Variants in MYCBP2 observed in about 807,000 individuals in gnomAD.
MYCBP2 encodes MYC binding protein 2, also known as E3 ubiquitin-protein ligase MYCBP2.
In MYCBP2, 120 loss-of-function variants were observed where a neutral mutation model predicts 525.3. The observed-to-expected ratio is 0.23, with a 90% CI of 0.20 to 0.27. The LOEUF is 0.27. Among genes scored for constraint, MYCBP2 ranks in the 10% least tolerant of loss-of-function variants. The pLI is 1.00. For missense variants in MYCBP2, 4,149 were observed against 5,657.1 expected, an observed-to-expected ratio of 0.73 and a Z score of 8.55; for synonymous variants, 1,894 against 1,955.8, an observed-to-expected ratio of 0.97 and a Z score of 0.83.
chr13:77,212,398 A>C (rs887915917), intron 21 of MYCBP2, among the ~76,000 whole-genome samples: 1 of 152,198 alleles, frequency 6.6e-6, no homozygotes, highest in Non-Finnish European at 1.5e-5. Context: ...TTTAAAAAAA[A>C]GTTTGAAATA....
chr13:77,155,788 G>A (rs780128983), intron 46 of MYCBP2, among the ~76,000 whole-genome samples: 2 of 152,112 alleles, frequency 1.3e-5, no homozygotes, highest in Non-Finnish European at 2.9e-5. Flanking sequence ...TATGTGTCTA[G>A]CACTCTTTAG....
Position 77,287,709 on chromosome 13 carries a change from T to C in MYCBP2, c.594+452A>G, listed in dbSNP as rs367928347. Among the ~76,000 whole-genome samples the C allele has an allele frequency of 1.9e-3, 282 of 152,246 alleles. 1 individual carries two copies. Among genetic ancestry groups the C allele is most frequent in the African/African-American group, 6.1e-3 (252 of 41,536 alleles). ...ACAGCTGAGAGGCTTTGTAGTTCTA[T>C]TTCAAGAAAAATAAAAACGCATACC... On this transcript the variant is annotated intron_variant, in intron 3 of 82. Coordinates refer to ENST00000544440, the MANE Select transcript of MYCBP2 (RefSeq NM_015057.5).
At chr13:77,052,166 T>C (rs2036953349) in intron 80 of MYCBP2, among the ~76,000 whole-genome samples, 1 of 152,052 alleles carries the variant, frequency 6.6e-6, no homozygotes, top group African/African-American at 2.4e-5. Flanking sequence ...CCTCCTTCCC[T>C]TCCTTCCCTT....
intron 1 of MYCBP2, among the ~76,000 whole-genome samples, chr13:77,316,190 T>C (rs995189111): frequency 1.3e-5 from 2 of 152,146 alleles, no homozygotes; most frequent in African/African-American, 4.8e-5. Context: ...TACAAAACTA[T>C]TAAAGTTAAT....
intron 20 of MYCBP2, among the ~76,000 whole-genome samples, chr13:77,223,528 G>A (rs577502158): frequency 2.2e-4 from 34 of 152,128 alleles, no homozygotes; most frequent in Admixed American, 1.1e-3. Context: ...ATACAAACTC[G>A]GCTGCTGTAA....
chr13:77,179,195 A>T (rs2059987423), intron 34 of MYCBP2, among the ~76,000 whole-genome samples: 1 of 152,198 alleles, frequency 6.6e-6, no homozygotes, highest in African/African-American at 2.4e-5. Context: ...GTTAAAATAA[A>T]TTTTTTAAAA....
At chr13:77,062,416 G>T (rs1464825799) in intron 74 of MYCBP2, among the ~76,000 whole-genome samples, 180 bp downstream of exon 74, 1 of 152,192 alleles carries the variant, frequency 6.6e-6, no homozygotes, top group Non-Finnish European at 1.5e-5. Flanking sequence ...CATATACTAT[G>T]AAGTAGGGAC....
Position 77,190,236 on chromosome 13 carries a change from T to C in MYCBP2, c.4154+16A>G, listed in dbSNP as rs763339248. Reference sequence around the variant, plus strand: ...AATAATAAACCATACTAATTCAGTATAAATATGCTAAATACCTGTATAATA... The same window carrying C: ...AATAATAAACCATACTAATTCAGTACAAATATGCTAAATACCTGTATAATA... On this transcript the variant is annotated intron_variant, in intron 29 of 82. Coordinates refer to ENST00000544440, the MANE Select transcript of MYCBP2 (RefSeq NM_015057.5). The C allele has an allele frequency of 2.0e-6, 3 of 1,505,264 alleles. No homozygotes were observed. The South Asian group carries it at 3.5e-5, about 18-fold the overall frequency. 93.2% of individuals were successfully genotyped at this position (1,505,264 alleles called of 1,614,324 possible).
At chr13:77,183,064 C>T (rs776246700) in intron 32 of MYCBP2, among the ~76,000 whole-genome samples, 4 of 152,010 alleles carry the variant, frequency 2.6e-5, no homozygotes, top group Non-Finnish European at 4.4e-5. Context: ...TAAATTACAT[C>T]GATTTTCAAT....
rs184673895 is a variant in MYCBP2, at chr13:77,221,601, G to T, written c.2939+2850C>A. 5.2e-3 allele frequency among the ~76,000 whole-genome samples: 789 copies of T among 152,160 alleles called. 6 individuals are homozygous for T. Among genetic ancestry groups the T allele is most frequent in the African/African-American group, 0.018 (736 of 41,514 alleles). On this transcript the variant is annotated intron_variant, in intron 20 of 82. Coordinates refer to ENST00000544440, the MANE Select transcript of MYCBP2 (RefSeq NM_015057.5). The stretch of plus-strand genomic sequence containing the variant: ...TTATTTTCTGTGAAGTGCCCTCTTT[G>T]CTGCATACATGACTGAGACCCCATC...
At chr13:77,054,247 T>C (rs906168384) in intron 80 of MYCBP2, among the ~76,000 whole-genome samples, 2 of 152,206 alleles carry the variant, frequency 1.3e-5, no homozygotes, top group African/African-American at 4.8e-5. Flanking sequence ...TGTCAGTGGG[T>C]GAGCAGACAG....
chr13:77,111,849 C>T (rs899928957), intron 55 of MYCBP2, among the ~76,000 whole-genome samples: 1 of 152,078 alleles, frequency 6.6e-6, no homozygotes, highest in African/African-American at 2.4e-5. Context: ...ACAATTTCCT[C>T]CATGTGCTCC....
chr13:77,225,412 T>C, intron 19 of MYCBP2, 23 bp downstream of exon 19: 2 of 1,613,182 alleles, frequency 1.2e-6, no homozygotes, highest in Non-Finnish European at 1.7e-6. Flanking sequence ...AACGCAGTTA[T>C]ACCCTAAAGT....
At chr13:77,243,576 G>A (rs1290462912) in intron 16 of MYCBP2, among the ~76,000 whole-genome samples, 1 of 149,056 alleles carries the variant, frequency 6.7e-6, no homozygotes, top group Non-Finnish European at 1.5e-5. Context: ...TTGAGCTACT[G>A]TACTCCAGCC....
In MYCBP2 at chr13:77,051,179, G is replaced by C. The variant is rs1279238633; in HGVS notation, c.13756-17C>G. The C allele has an allele frequency of 6.3e-7, 1 of 1,593,736 alleles. No homozygotes were observed. Among genetic ancestry groups the C allele is most frequent in the African/African-American group, 1.4e-5 (1 of 73,342 alleles). ...GGGACACATCTATAGCAAAAGAGAA[G>C]AGACAGACACAAGATCATAGTGAGA... On this transcript the variant is annotated splice_polypyrimidine_tract_variant and intron_variant, in intron 81 of 82. Transcript: ENST00000544440.
In MYCBP2 at chr13:77,188,954, T is replaced by C. The variant is rs764072627; in HGVS notation, c.4248A>G (p.Ser1416=). The C allele has an allele frequency of 3.1e-6, 5 of 1,594,706 alleles. No individual in the cohort carries two copies. The highest frequency in any genetic ancestry group is 1.8e-5 in the Admixed American group (1 of 55,822). The change falls in exon 30 of 83, where the codon TCA becomes TCG. Residue 1416 remains serine, a synonymous_variant. Coordinates refer to ENST00000544440, the MANE Select transcript of MYCBP2 (RefSeq NM_015057.5). ...AATTTTTTAAAACATGGCTTACCACTGAGACAGTTCTTGCAAAAGACCTCT... is the reference window on the plus strand; with the variant it reads ...AATTTTTTAAAACATGGCTTACCACCGAGACAGTTCTTGCAAAAGACCTCT... ...ILKRSFARTV[S]VECFESLLSI... is the part of the protein sequence containing the mutation.
At chr13:77,234,510 T>C (rs1432940688) in intron 17 of MYCBP2, among the ~76,000 whole-genome samples, 1 of 151,964 alleles carries the variant, frequency 6.6e-6, no homozygotes, top group Non-Finnish European at 1.5e-5. Flanking sequence ...TTTCTAGATA[T>C]AAACAAAAAT....
chr13:77,214,564 C>T (rs1038562613), intron 21 of MYCBP2, among the ~76,000 whole-genome samples: 13 of 151,940 alleles, frequency 8.6e-5, no homozygotes, highest in Admixed American at 5.9e-4. Context: ...CTTTAAAAAA[C>T]GGGAAAGGGG....
chr13:77,076,747 A>G lies in MYCBP2; in HGVS notation c.11823+4T>C. 1 of 1,514,148 alleles carries G rather than the reference A, an allele frequency of 6.6e-7. No homozygotes were observed. The highest frequency in any genetic ancestry group is 9.1e-7 in the Non-Finnish European group (1 of 1,097,090). 93.8% of individuals were successfully genotyped at this position (1,514,148 alleles called of 1,614,324 possible). A position where few individuals can be genotyped will look rare whatever the true frequency, so the allele number is the denominator to read the frequency against. On this transcript the variant is annotated splice_donor_region_variant and intron_variant, in intron 68 of 82. Transcript: ENST00000544440. ...ATAAATATCTTTAGAATACAAATAA[A>G]TACATTGTATACTTTTTCTTCTCCT...
Sources: gnomAD v4.1 joint callset for allele counts (sites outside exome capture counted in the v4.1 genomes callset) on GRCh38, gnomAD v4.1.1 for gene constraint, MANE v1.5 for transcripts, NCBI Gene and HGNC (gene_info 2026-07-23, HGNC 2026-07-21) for gene names.